Variants in MAP9 observed in about 807,000 individuals in gnomAD.
The protein encoded by MAP9 is microtubule associated protein 9, also known as microtubule-associated protein 9.
MAP9 carries 80 observed loss-of-function variants against 75.2 expected under a neutral mutation model. The ratio of observed to expected loss-of-function variants is 1.06; its 90% confidence interval spans 0.89 to 1.28. The LOEUF is 1.28. Among genes scored for constraint, MAP9 ranks in the 50% most tolerant of loss-of-function variants. The pLI is 0.00. For synonymous variants in MAP9, 235 were observed against 237.3 expected (o/e 0.99, Z 0.09); for missense variants, 753 against 719.9 (o/e 1.05, Z -0.53).
intron 5 of MAP9, among the ~76,000 whole-genome samples, chr4:155,367,940 C>G (rs544965634): frequency 6.6e-6 from 1 of 152,220 alleles, no homozygotes; most frequent in African/African-American, 2.4e-5. Flanking sequence ...AAGAAATGTT[C>G]TTCCTGTACT....
chr4:155,352,656 C>G lies in MAP9; in HGVS notation c.1761G>C (p.Leu587=), dbSNP rs1294217555. Residue 587 remains leucine, a synonymous_variant, in exon 13 of 14, where the codon CTG becomes CTC. Coordinates refer to ENST00000311277, the MANE Select transcript of MAP9 (RefSeq NM_001039580.2). ...CTTTATCTTTTTTCTCAGCTCTTTT[C>G]AGTTCTTCCTTTCTTTTCTCATTTA... ...EKINEKRKEE[L]KRAEKKDKDK... is the part of the protein sequence containing the mutation. 1.9e-6 allele frequency: 3 copies of G among 1,539,244 alleles called. No homozygotes were observed. The highest frequency in any genetic ancestry group is 3.7e-5 in the Admixed American group (2 of 53,698).
chr4:155,374,352 AAC>A (rs1732741603), intron 3 of MAP9, among the ~76,000 whole-genome samples: 1 of 147,866 alleles, frequency 6.8e-6, no homozygotes, highest in Non-Finnish European at 1.5e-5. Flanking sequence ...AACAAAAACA[AAC>A]AAACAAAAAC....
chr4:155,359,203 ATG>A (rs1166701921), intron 7 of MAP9, among the ~76,000 whole-genome samples: 1 of 125,188 alleles, frequency 8.0e-6, no homozygotes, highest in Admixed American at 9.0e-5. Context: ...TATAAAGAAA[ATG>A]TGTATACACA....
rs775805737 is a variant in MAP9, at chr4:155,368,764, C to A, written c.530G>T (p.Arg177Leu). The A allele has an allele frequency of 1.9e-6, 3 of 1,613,728 alleles. No individual in the cohort carries two copies. The African/African-American group carries it at 4.0e-5, about 22-fold the overall frequency. The change falls in exon 5 of 14, where the codon CGG (arginine) becomes CTG (leucine). Residue 177 changes from arginine (R) to leucine (L), a missense_variant. Arg to Leu is a moderately radical substitution (Grantham distance 102, BLOSUM62 -2). Transcript: ENST00000311277. ...TTTCTTTTTCAACATACTCCTTGGC[C>A]GAGGTGATGGTTTAAAGTGATCATC... ...DTDDHFKPSPRPRSMLKKKSH... is the reference protein window; with the variant it reads ...DTDDHFKPSPLPRSMLKKKSH...
At chr4:155,358,095 T>C (rs1731887879) in intron 7 of MAP9, among the ~76,000 whole-genome samples, 2 of 152,130 alleles carry the variant, frequency 1.3e-5, no homozygotes. Context: ...TAATGGAGAA[T>C]GATTATATTT....
chr4:155,373,078 C>A (rs1480791163), intron 4 of MAP9, 58 bp downstream of exon 4: 1 of 1,218,280 alleles, frequency 8.2e-7, no homozygotes, highest in Non-Finnish European at 1.1e-6. Context: ...AATTTTGGGA[C>A]TGATTATCTT....
intron 4 of MAP9, among the ~76,000 whole-genome samples, chr4:155,372,797 C>T (rs1732659006): frequency 6.6e-6 from 1 of 152,162 alleles, no homozygotes; most frequent in Non-Finnish European, 1.5e-5. Flanking sequence ...CAGTTCCACA[C>T]CTACAAACAA....
At chr4:155,369,075 C>A (rs1403180737) in intron 4 of MAP9, among the ~76,000 whole-genome samples, 1 of 152,114 alleles carries the variant, frequency 6.6e-6, no homozygotes, top group Admixed American at 6.5e-5. Context: ...GTAATCCCAG[C>A]ACGTTGGGAG....
At position 155,375,789 on chromosome 4, in the gene MAP9, C is replaced by A; in HGVS notation, c.62G>T (p.Arg21Ile). 1.2e-6 allele frequency: 2 copies of A among 1,603,438 alleles called. No homozygotes were observed. Among genetic ancestry groups the A allele is most frequent in the African/African-American group, 1.3e-5 (1 of 74,732 alleles). ...AYTKSPKVTK[R>I]TTFQDELIRA... is the part of the protein sequence containing the mutation. ...AAAATACTTTACCTGGAAAGTAGTT[C>A]TTTTGGTAACTTTTGGACTCTTTGT... is the stretch of plus-strand genomic sequence containing the variant. The change falls in exon 2 of 14, where the codon AGA becomes ATA. Residue 21 changes from arginine to isoleucine, a missense_variant. Coordinates refer to ENST00000311277, the MANE Select transcript of MAP9 (RefSeq NM_001039580.2).
intron 7 of MAP9, among the ~76,000 whole-genome samples, chr4:155,359,214 C>T (rs958322444): frequency 4.3e-5 from 5 of 117,110 alleles, no homozygotes; most frequent in African/African-American, 9.5e-5. Context: ...TGTGTATACA[C>T]ACACACACAC....
Position 155,372,987 on chromosome 4 carries a change from G to C in MAP9, c.481+149C>G, listed in dbSNP as rs1732668661. On this transcript the variant is annotated intron_variant, in intron 4 of 13. Transcript: ENST00000311277. The stretch of plus-strand genomic sequence containing the variant: ...AATACAACAGGTCTGTAAAATTGAA[G>C]TTAGACAAAATACAACAGGTCTGTA... The C allele has an allele frequency of 7.4e-6, 4 of 537,150 alleles. No individual in the cohort carries two copies. The Admixed American group carries it at 1.6e-4, about 21-fold the overall frequency. The allele number at this position is 537,150 out of a possible 1,614,324, so 33.3% of individuals were successfully genotyped here.
At position 155,343,480 on chromosome 4, in the gene MAP9, ATC is replaced by A. The variant is rs1278559633; in HGVS notation, c.*4301_*4302del. 6.6e-6 allele frequency: 1 copy of A among 151,360 alleles called. No homozygotes were observed. The highest frequency in any genetic ancestry group is 1.5e-5 in the Non-Finnish European group (1 of 67,722). The allele number at this position is 151,360 out of a possible 1,614,324, so 9.4% of individuals were successfully genotyped here. ...TATTTAATAATTATATAATTATATTATCTCTCTCTGTAATTTGTGTAGTAAAA... is the reference window on the plus strand; with the variant it reads ...TATTTAATAATTATATAATTATATTATCTCTCTGTAATTTGTGTAGTAAAA... On this transcript the variant is annotated 3_prime_UTR_variant, in exon 14 of 14. Transcript: ENST00000311277.
Position 155,352,836 on chromosome 4 carries a change from A to G in MAP9, c.1688+76T>C, listed in dbSNP as rs1731579014. ...AATTGAAATGCATTACTAAATTTCA[A>G]GTAAATAAATTTTATAAAATCCTGA... On this transcript the variant is annotated intron_variant, in intron 12 of 13. Transcript: ENST00000311277. 2.1e-6 allele frequency: 3 copies of G among 1,423,112 alleles called. No homozygotes were observed. The Admixed American group carries it at 6.6e-5, about 31-fold the overall frequency. The allele number at this position is 1,423,112 out of a possible 1,614,324, so 88.2% of individuals were successfully genotyped here.
chr4:155,354,931 CAG>C (rs1415682053), intron 10 of MAP9, 138 bp downstream of exon 10: 2 of 457,940 alleles, frequency 4.4e-6, no homozygotes, highest in Non-Finnish European at 7.7e-6. Context: ...TAAAGTAAAA[CAG>C]AAGTAAAACC....
rs1333174310 is a variant in MAP9 at position 155,355,128 on chromosome 4, A to G, written c.1323T>C (p.His441=). The G allele has an allele frequency of 2.1e-6, 3 of 1,397,116 alleles. No homozygotes were observed. Among genetic ancestry groups the G allele is most frequent in the Non-Finnish European group, 2.9e-6 (3 of 1,026,832 alleles). The allele number at this position is 1,397,116 out of a possible 1,614,324, so 86.5% of individuals were successfully genotyped here. ...EWLEKKNVYL[H]EMHRIKRIES... ...CAATTCTTTTTATTCTGTGCATTTCATGTAAATACACATTTTTCTTTTCTA... is the reference window on the plus strand; with the variant it reads ...CAATTCTTTTTATTCTGTGCATTTCGTGTAAATACACATTTTTCTTTTCTA... Residue 441 remains histidine, a synonymous_variant, in exon 10 of 14, where the codon CAT becomes CAC. Coordinates refer to ENST00000311277, the MANE Select transcript of MAP9 (RefSeq NM_001039580.2).
At chr4:155,350,217 CA>C (rs758385826) in intron 13 of MAP9, 1 of 452,602 alleles carries the variant, frequency 2.2e-6, no homozygotes, top group Non-Finnish European at 4.4e-6. Context: ...GACTCCTATA[CA>C]GGGGCAATTT....
At chr4:155,373,080 G>T in intron 4 of MAP9, 56 bp downstream of exon 4, 2 of 1,252,868 alleles carry the variant, frequency 1.6e-6, no homozygotes, top group East Asian at 2.4e-5. Flanking sequence ...TTTTGGGACT[G>T]ATTATCTTAA....
intron 10 of MAP9, among the ~76,000 whole-genome samples, chr4:155,354,692 G>C (rs1034542898): frequency 1.3e-5 from 2 of 152,040 alleles, no homozygotes; most frequent in Admixed American, 1.3e-4. Context: ...TCGAACTCCA[G>C]ACCTCAAGGA....
rs1198782214 is a variant in MAP9 at position 155,343,521 on chromosome 4, T to C, written c.*4262A>G. On this transcript the variant is annotated 3_prime_UTR_variant, in exon 14 of 14. Coordinates refer to ENST00000311277, the MANE Select transcript of MAP9 (RefSeq NM_001039580.2). ...TGTGTAGTAAAACATCAGTTTTATA[T>C]CCAAATTTTTAGTCATTTATAATAA... 6.6e-6 allele frequency: 1 copy of C among 151,708 alleles called. No individual in the cohort carries two copies. The highest frequency in any genetic ancestry group is 2.4e-5 in the African/African-American group (1 of 41,424). The allele number at this position is 151,708 out of a possible 1,614,324, so 9.4% of individuals were successfully genotyped here.
Sources: gnomAD v4.1 joint callset for allele counts (sites outside exome capture counted in the v4.1 genomes callset) on GRCh38, gnomAD v4.1.1 for gene constraint, MANE v1.5 for transcripts, NCBI Gene and HGNC (gene_info 2026-07-23, HGNC 2026-07-21) for gene names.